Variants in CHODL observed in about 807,000 individuals in gnomAD.
The protein encoded by CHODL is chondrolectin, also known as transmembrane protein MT75.
In CHODL, 29 loss-of-function variants were observed where a neutral mutation model predicts 34.5. The observed-to-expected ratio is 0.84, with a 90% CI of 0.63 to 1.15. CHODL has a LOEUF of 1.15. Among genes scored for constraint, CHODL ranks in the 50% most tolerant of loss-of-function variants. The pLI, the probability that CHODL is intolerant of heterozygous loss-of-function variation, is 0.00. For synonymous variants in CHODL, 125 were observed against 116.1 expected (o/e 1.08, Z -0.49); for missense variants, 332 against 332.5 (o/e 1.00, Z 0.01).
chr21:18,010,342 A>T (rs1396082396), intron 1 of CHODL, among the ~76,000 whole-genome samples: 1 of 151,164 alleles, frequency 6.6e-6, no homozygotes, highest in Non-Finnish European at 1.5e-5. Flanking sequence ...GGAAAAAAAA[A>T]GAAAACTGGT....
In CHODL at chr21:18,025,515, T is replaced by A. The variant is rs79025036; in HGVS notation, c.-144-2357T>A. 5.6e-3 allele frequency among the ~76,000 whole-genome samples: 855 copies of A among 152,328 alleles called. 5 individuals are homozygous for A. The highest frequency in any genetic ancestry group is 0.018 in the South Asian group (87 of 4,830). On this transcript the variant is annotated intron_variant, in intron 1 of 6. Transcript: ENST00000400127. ...ATTTTCTCAGAGATGGAAGTAAATC[T>A]ATGTCCCTCTACTTCTTCGTTCGGT...
intron 2 of CHODL, among the ~76,000 whole-genome samples, chr21:18,196,169 T>C (rs2824704): frequency 0.63 from 95,963 of 152,068 alleles, 30,368 homozygotes; most frequent in East Asian, 0.7. Flanking sequence ...TCAATCTCTA[T>C]TTTGAACTGT....
At chr21:17,925,290 G>T (rs890874678) in intron 1 of CHODL, among the ~76,000 whole-genome samples, 9 of 152,156 alleles carry the variant, frequency 5.9e-5, no homozygotes, top group African/African-American at 2.2e-4. Context: ...GTTTTCACAG[G>T]TTTAAAATTT....
chr21:17,997,633 T>C (rs1645962344), intron 1 of CHODL, among the ~76,000 whole-genome samples: 1 of 152,120 alleles, frequency 6.6e-6, no homozygotes, highest in South Asian at 2.1e-4. Context: ...TGCCTCAGAA[T>C]CATAGCGGGA....
chr21:18,232,941 T>TGA (rs1555884625), intron 2 of CHODL, among the ~76,000 whole-genome samples: 2 of 97,620 alleles, frequency 2.0e-5, no homozygotes, highest in South Asian at 3.3e-4. Flanking sequence ...CATGATGTTA[T>TGA]GATATATATA....
chr21:18,169,953 T>C (rs2073207427), intron 2 of CHODL, among the ~76,000 whole-genome samples: 1 of 152,048 alleles, frequency 6.6e-6, no homozygotes, highest in Admixed American at 6.5e-5. Context: ...TTAAATCCAG[T>C]TATTTTATGG....
intron 1 of CHODL, among the ~76,000 whole-genome samples, chr21:18,250,748 A>G (rs1194379612): frequency 6.6e-6 from 1 of 151,890 alleles, no homozygotes. Context: ...GAGGGGGGTA[A>G]GAAGAAATTA....
At chr21:17,938,513 C>G (rs2063336670) in intron 1 of CHODL, among the ~76,000 whole-genome samples, 2 of 108,854 alleles carry the variant, frequency 1.8e-5, no homozygotes, top group African/African-American at 3.6e-5. Flanking sequence ...GAGTCTCGCT[C>G]CATCGCCCAG....
rs7277992 is a variant in CHODL at position 18,050,716 on chromosome 21, A to C, written c.-45+22745A>C. Among the ~76,000 whole-genome samples, 687 of 152,006 alleles carry C rather than the reference A, an allele frequency of 4.5e-3. 3 individuals are homozygous for C. The highest frequency in any genetic ancestry group is 0.016 in the African/African-American group (671 of 41,510). The stretch of plus-strand genomic sequence containing the variant: ...ACTTACGTAAGGATCATGATTAAGA[A>C]GGGGTGTTGAGATCCAAGAGTGTAG... On this transcript the variant is annotated intron_variant, in intron 2 of 6. Transcript: ENST00000400127.
intron 1 of CHODL, among the ~76,000 whole-genome samples, chr21:17,924,155 A>G (rs974173948): frequency 6.6e-6 from 1 of 152,180 alleles, no homozygotes; most frequent in Non-Finnish European, 1.5e-5. Context: ...ACAGGGAGCA[A>G]AGGCATGTAC....
At chr21:18,023,519 G>A (rs1309178210) in intron 1 of CHODL, among the ~76,000 whole-genome samples, 1 of 152,062 alleles carries the variant, frequency 6.6e-6, no homozygotes, top group African/African-American at 2.4e-5. Flanking sequence ...GGGCAACTGA[G>A]TGTCAAATGT....
chr21:18,178,458 T>C (rs2073341988), intron 2 of CHODL, among the ~76,000 whole-genome samples: 1 of 152,200 alleles, frequency 6.6e-6, no homozygotes, highest in African/African-American at 2.4e-5. Context: ...CCAGTTAAAA[T>C]TTATGTATAA....
intron 2 of CHODL, among the ~76,000 whole-genome samples, chr21:18,161,255 G>GT (rs1182318886): frequency 1.3e-5 from 2 of 152,086 alleles, no homozygotes; most frequent in Admixed American, 6.5e-5. Context: ...TTTGGTACTG[G>GT]TTTTTTGTAA....
chr21:18,266,378 AGTT>A lies in CHODL; in HGVS notation c.*344_*346del, dbSNP rs2074462626. ...CCTTTTATTTCTTTCACCTTTCATAAGTTGTTATCTAGTCAATGTAATGTATAT... is the reference window on the plus strand; with the variant it reads ...CCTTTTATTTCTTTCACCTTTCATAAGTTATCTAGTCAATGTAATGTATAT... On this transcript the variant is annotated 3_prime_UTR_variant, in exon 6 of 6. Transcript: ENST00000299295. 4 of 490,374 alleles carry A rather than the reference AGTT, an allele frequency of 8.2e-6. No homozygotes were observed. The highest frequency in any genetic ancestry group is 1.4e-5 in the Non-Finnish European group (4 of 280,820). 30.4% of individuals were successfully genotyped at this position (490,374 alleles called of 1,614,324 possible).
intron 2 of CHODL, among the ~76,000 whole-genome samples, chr21:18,172,067 A>T (rs918404235): frequency 6.6e-6 from 1 of 152,214 alleles, no homozygotes; most frequent in Admixed American, 6.5e-5. Context: ...GCACAGCCTT[A>T]CATATTTTCA....
chr21:18,165,302 T>A (rs1005622756), intron 2 of CHODL, among the ~76,000 whole-genome samples: 2 of 152,236 alleles, frequency 1.3e-5, no homozygotes, highest in South Asian at 4.1e-4. Flanking sequence ...TTGTTTTTAT[T>A]TCGTCGATCC....
chr21:18,081,895 G>T (rs1391166045), intron 2 of CHODL, among the ~76,000 whole-genome samples: 3 of 152,048 alleles, frequency 2.0e-5, no homozygotes, highest in Non-Finnish European at 2.9e-5. Flanking sequence ...TACTTTTTCT[G>T]CATCTATTGA....
At chr21:18,168,546 G>T (rs575642611) in intron 2 of CHODL, among the ~76,000 whole-genome samples, 14 of 152,198 alleles carry the variant, frequency 9.2e-5, no homozygotes, top group African/African-American at 3.4e-4. Flanking sequence ...ATCTTATCTT[G>T]TGCCTATTGG....
At chr21:17,937,361 A>C (rs1478315857) in intron 1 of CHODL, among the ~76,000 whole-genome samples, 3 of 152,294 alleles carry the variant, frequency 2.0e-5, no homozygotes, top group Non-Finnish European at 4.4e-5. Context: ...GACTGTATGA[A>C]TTCATAATGC....
Sources: gnomAD v4.1 joint callset for allele counts (sites outside exome capture counted in the v4.1 genomes callset) on GRCh38, gnomAD v4.1.1 for gene constraint, MANE v1.5 for transcripts, NCBI Gene and HGNC (gene_info 2026-07-23, HGNC 2026-07-21) for gene names.